The following STIM1 variants were observed in gnomAD, a reference collection of about 807,000 sequenced individuals.
STIM1 encodes stromal interaction molecule 1.
A neutral mutation model predicts 74.7 loss-of-function variants in STIM1; 25 were observed. The ratio of observed to expected loss-of-function variants is 0.33; its 90% CI spans 0.24 to 0.47. The LOEUF (loss-of-function observed/expected upper bound fraction) is 0.47, where lower values mean the gene tolerates loss of function less well. Ranked by LOEUF, STIM1 falls within the 20% of genes least tolerant of loss-of-function variation. The pLI is 1.00. For missense variants in STIM1, 728 were observed against 920.8 expected (o/e 0.79, Z 2.71); for synonymous variants, 328 against 348.8 (o/e 0.94, Z 0.66).
intron 4 of STIM1, among the ~76,000 whole-genome samples, chr11:4,057,325 A>G (rs2094297466): frequency 6.6e-6 from 1 of 152,198 alleles, no homozygotes; most frequent in Admixed American, 6.5e-5. Context: ...GGCTAGAATT[A>G]CAGCCAAGAC....
rs200055722 is a variant in STIM1 at position 4,092,651 on chromosome 11, G to A, written c.*853G>A. On this transcript the variant is annotated 3_prime_UTR_variant, in exon 13 of 13. Coordinates refer to ENST00000526596, the MANE Select transcript of STIM1 (RefSeq NM_001382567.1). ...AAGCATCAATACTCCTAGGGCTCAG[G>A]ACAAGTGGCTCCCCTGGCCAGGAGA... 6.6e-6 allele frequency: 1 copy of A among 152,134 alleles called. No homozygotes were observed. The highest frequency in any genetic ancestry group is 2.4e-5 in the African/African-American group (1 of 41,408). The allele number at this position is 152,134 out of a possible 1,614,324, so 9.4% of individuals were successfully genotyped here. A position where few individuals can be genotyped will look rare whatever the true frequency, so the allele number is the denominator to read the frequency against.
At chr11:4,088,489 A>T (rs1209859056) in intron 12 of STIM1, 4 of 531,690 alleles carry the variant, frequency 7.5e-6, no homozygotes, top group Non-Finnish European at 1.4e-5. Flanking sequence ...ACTCATATCC[A>T]TTCTCATTCT....
intron 1 of STIM1, among the ~76,000 whole-genome samples, chr11:3,931,785 C>T (rs889358816): frequency 6.6e-6 from 1 of 152,170 alleles, no homozygotes; most frequent in African/African-American, 2.4e-5. Context: ...ATGGCAGACA[C>T]ACCTGAATGC....
chr11:4,068,927 C>T (rs1478535284), intron 5 of STIM1, among the ~76,000 whole-genome samples: 2 of 152,228 alleles, frequency 1.3e-5, no homozygotes, highest in African/African-American at 2.4e-5. Flanking sequence ...CATGTCCTTA[C>T]TATGTCCAAG....
chr11:4,086,810 C>T (rs1355527593), intron 12 of STIM1: 14 of 1,536,550 alleles, frequency 9.1e-6, no homozygotes, highest in Non-Finnish European at 1.1e-5. Flanking sequence ...TACCCTGACA[C>T]ACCCCCTTCT....
intron 3 of STIM1, among the ~76,000 whole-genome samples, chr11:4,049,765 T>C (rs10835539): frequency 0.015 from 825 of 55,370 alleles, 17 homozygotes; most frequent in South Asian, 0.053. Context: ...CACACACACA[T>C]GCTTAGAACG....
At chr11:4,010,469 C>A (rs2093825124) in intron 2 of STIM1, among the ~76,000 whole-genome samples, 1 of 152,128 alleles carries the variant, frequency 6.6e-6, no homozygotes, top group Admixed American at 6.6e-5. Flanking sequence ...CTGCGCCCGG[C>A]CAAAATTTTA....
intron 5 of STIM1, among the ~76,000 whole-genome samples, chr11:4,065,756 G>T (rs977985919): frequency 6.6e-6 from 1 of 152,136 alleles, no homozygotes; most frequent in Admixed American, 6.5e-5. Flanking sequence ...CATTTGTTGG[G>T]CTATAACTAG....
chr11:3,898,947 C>T (rs1338821433), intron 1 of STIM1, among the ~76,000 whole-genome samples: 10 of 151,924 alleles, frequency 6.6e-5, no homozygotes, highest in African/African-American at 1.7e-4. Context: ...AGTCAGGTAG[C>T]GTGATGCCTC....
intron 1 of STIM1, among the ~76,000 whole-genome samples, chr11:3,950,571 T>C (rs562243500): frequency 1.2e-4 from 19 of 152,196 alleles, no homozygotes; most frequent in African/African-American, 4.3e-4. Context: ...TATGTACAGG[T>C]TTTTGTGTGG....
chr11:4,088,213 G>C (rs993342299), intron 12 of STIM1, among the ~76,000 whole-genome samples: 3 of 152,128 alleles, frequency 2.0e-5, no homozygotes, highest in Non-Finnish European at 4.4e-5. Flanking sequence ...TAGTAGCCTT[G>C]ACCTTGCCTG....
chr11:4,030,254 A>G (rs2094037569), intron 3 of STIM1, among the ~76,000 whole-genome samples: 1 of 150,998 alleles, frequency 6.6e-6, no homozygotes, highest in Non-Finnish European at 1.5e-5. Context: ...GTTTGAACCC[A>G]GGGTATGGAG....
At chr11:4,017,374 T>A (rs374892282) in intron 2 of STIM1, among the ~76,000 whole-genome samples, 1 of 152,244 alleles carries the variant, frequency 6.6e-6, no homozygotes, top group Admixed American at 6.5e-5. Context: ...TTTCTGACCC[T>A]ACTTGTTTTT....
In STIM1 at chr11:3,995,886, T is replaced by C. The variant is rs553043699; in HGVS notation, c.271-27987T>C. On this transcript the variant is annotated intron_variant, in intron 2 of 12. Transcript: ENST00000526596. ...GTGGCCTGGCTAATTTTTAAATTTTTTGTGAAGATGGGGTCTCCCTATGTT... is the reference window on the plus strand; with the variant it reads ...GTGGCCTGGCTAATTTTTAAATTTTCTGTGAAGATGGGGTCTCCCTATGTT... Among the ~76,000 whole-genome samples the C allele has an allele frequency of 3.4e-3, 519 of 151,984 alleles. 2 individuals are homozygous for C. Among genetic ancestry groups the C allele is most frequent in the Middle Eastern group, 0.01 (3 of 294 alleles).
intron 1 of STIM1, among the ~76,000 whole-genome samples, chr11:3,965,099 CA>C (rs1232307333): frequency 3.0e-4 from 46 of 152,226 alleles, no homozygotes; most frequent in African/African-American, 1.1e-3. Flanking sequence ...CAGGGTTCAA[CA>C]AACTATGGCC....
At chr11:3,857,615 C>T (rs1390795246) in intron 1 of STIM1, among the ~76,000 whole-genome samples, 1 of 151,742 alleles carries the variant, frequency 6.6e-6, no homozygotes, top group Non-Finnish European at 1.5e-5. Flanking sequence ...TGGCTGTGAT[C>T]TGCCCAAAGC....
At chr11:4,042,832 A>G (rs2094158811) in intron 3 of STIM1, among the ~76,000 whole-genome samples, 1 of 152,204 alleles carries the variant, frequency 6.6e-6, no homozygotes, top group Non-Finnish European at 1.5e-5. Flanking sequence ...ATATGAAGAA[A>G]AAGTTACTAC....
chr11:4,010,172 ATTT>A (rs34152151), intron 2 of STIM1, among the ~76,000 whole-genome samples: 2 of 142,176 alleles, frequency 1.4e-5, no homozygotes, highest in Non-Finnish European at 3.0e-5. Flanking sequence ...AAATTTTCTG[ATTT>A]TTTTTTTTTT....
At chr11:4,064,642 A>G (rs2094353757) in intron 5 of STIM1, among the ~76,000 whole-genome samples, 1 of 152,234 alleles carries the variant, frequency 6.6e-6, no homozygotes, top group African/African-American at 2.4e-5. Flanking sequence ...TGCTGAGGGA[A>G]CAGGTGCCAT....
Sources: gnomAD v4.1 joint callset for allele counts (sites outside exome capture counted in the v4.1 genomes callset) on GRCh38, gnomAD v4.1.1 for gene constraint, MANE v1.5 for transcripts, NCBI Gene and HGNC (gene_info 2026-07-23, HGNC 2026-07-21) for gene names.